The following HECTD2 variants were observed in gnomAD, a reference collection of about 807,000 sequenced individuals.
The protein encoded by HECTD2 is HECT domain E3 ubiquitin protein ligase 2, also known as probable E3 ubiquitin-protein ligase HECTD2.
A neutral mutation model predicts 103.2 loss-of-function variants in HECTD2; 35 were observed. That is an observed-to-expected ratio of 0.34 (90% confidence interval 0.26 to 0.45). The LOEUF is 0.45. Ranked by LOEUF, HECTD2 falls within the 20% of genes least tolerant of loss-of-function variation. HECTD2 has a pLI of 1.00. For missense variants in HECTD2, 596 were observed against 937.4 expected (o/e 0.64, Z 4.76); for synonymous variants, 281 against 329.9 (o/e 0.85, Z 1.61).
chr10:91,477,411 A>G (rs1845948320), intron 5 of HECTD2, among the ~76,000 whole-genome samples: 1 of 152,194 alleles, frequency 6.6e-6, no homozygotes, highest in Non-Finnish European at 1.5e-5. Flanking sequence ...AACTTAAAGT[A>G]TGTCCAGTCA....
intron 2 of HECTD2, among the ~76,000 whole-genome samples, chr10:91,450,801 A>G (rs1209480352): frequency 2.0e-5 from 3 of 152,190 alleles, no homozygotes; most frequent in Admixed American, 2.0e-4. Context: ...GAAAAATGCA[A>G]ATCAAACCAC....
chr10:91,498,294 A>G (rs1846762005), intron 16 of HECTD2, 112 bp downstream of exon 16: 1 of 725,850 alleles, frequency 1.4e-6, no homozygotes, highest in African/African-American at 1.8e-5. Flanking sequence ...TAACCAATAC[A>G]TACAATCCTC....
At chr10:91,494,961 T>G (rs1315942349) in intron 14 of HECTD2, among the ~76,000 whole-genome samples, 1 of 151,388 alleles carries the variant, frequency 6.6e-6, no homozygotes, top group East Asian at 1.9e-4. Context: ...TTGCTCATTG[T>G]TTTTTTTGCA....
At chr10:91,482,619 C>A (rs1287385118) in intron 7 of HECTD2, among the ~76,000 whole-genome samples, 1 of 151,890 alleles carries the variant, frequency 6.6e-6, no homozygotes, top group Non-Finnish European at 1.5e-5. Context: ...TATACATTTT[C>A]TTTTTCGATA....
At chr10:91,491,825 C>A in intron 12 of HECTD2, among the ~76,000 whole-genome samples, 1 of 151,990 alleles carries the variant, frequency 6.6e-6, no homozygotes, top group East Asian at 1.9e-4. Flanking sequence ...TGGCTGATTC[C>A]GCTATGTGAT....
At chr10:91,458,539 A>C (rs1359070848) in intron 2 of HECTD2, among the ~76,000 whole-genome samples, 1 of 152,040 alleles carries the variant, frequency 6.6e-6, no homozygotes, top group Non-Finnish European at 1.5e-5. Context: ...ATATAGCTAC[A>C]ATAATCATAC....
intron 11 of HECTD2, chr10:91,489,206 A>G (rs1846374099): frequency 6.6e-6 from 1 of 151,588 alleles, no homozygotes; most frequent in Admixed American, 6.6e-5. Flanking sequence ...ACTCTGTGAC[A>G]GGCTAAGTTT....
At chr10:91,470,990 GCACACACACACAGACACA>G (rs1845704953) in intron 5 of HECTD2, among the ~76,000 whole-genome samples, 1 of 145,982 alleles carries the variant, frequency 6.9e-6, no homozygotes, top group Non-Finnish European at 1.5e-5. Context: ...ACACACACAC[GCACACACACACAGACACA>G]CACGCACACA....
chr10:91,493,832 A>AT (rs1046523788), intron 14 of HECTD2, among the ~76,000 whole-genome samples: 2 of 151,696 alleles, frequency 1.3e-5, no homozygotes, highest in African/African-American at 2.4e-5. Context: ...ATAATGAAGT[A>AT]TTTTTTTTCT....
Position 91,462,702 on chromosome 10 carries a change from A to G in HECTD2, c.600+518A>G, listed in dbSNP as rs143514405. 8.3e-4 allele frequency: 823 copies of G among 987,990 alleles called. 5 individuals are homozygous for G. The African/African-American group carries it at 0.013, about 16-fold the overall frequency. 61.2% of individuals were successfully genotyped at this position (987,990 alleles called of 1,614,324 possible). On this transcript the variant is annotated intron_variant, in intron 5 of 20. Transcript: ENST00000298068. ...AAAAATCCAGATGCATATTTGAAGG[A>G]CTAAGTGGGAATGATAAAGACAGAA...
Position 91,499,166 on chromosome 10 carries a change from T to A in HECTD2, c.1950+16T>A. 6.7e-7 allele frequency: 1 copy of A among 1,482,870 alleles called. No individual in the cohort carries two copies. Among genetic ancestry groups the A allele is most frequent in the Non-Finnish European group, 9.4e-7 (1 of 1,065,500 alleles). The allele number at this position is 1,482,870 out of a possible 1,614,324, so 91.9% of individuals were successfully genotyped here. Reference sequence around the variant, plus strand: ...TGCCCTAATGGTGAGTTTATAACTTTAAATCAAGCTTTCGGTTAGCTTTTG... The same window carrying A: ...TGCCCTAATGGTGAGTTTATAACTTAAAATCAAGCTTTCGGTTAGCTTTTG... On this transcript the variant is annotated intron_variant, in intron 18 of 20. Coordinates refer to ENST00000298068, the MANE Select transcript of HECTD2 (RefSeq NM_182765.6).
At chr10:91,410,120 CG>C (rs1024457633), upstream of HECTD2, among the ~76,000 whole-genome samples, 10 of 151,886 alleles carry the variant, frequency 6.6e-5, no homozygotes, top group Admixed American at 1.3e-4. Context: ...GCCTTCTCTC[CG>C]GGCCCTCGGG....
At position 91,410,366 on chromosome 10, in the gene HECTD2, G is replaced by GGCA. The variant is rs911693415; in HGVS notation, c.-64_-62dup. The GGCA allele has an allele frequency of 2.7e-5, 27 of 1,008,140 alleles. No individual in the cohort carries two copies. Among genetic ancestry groups the GGCA allele is most frequent in the African/African-American group, 3.4e-5 (2 of 58,498 alleles). 62.4% of individuals were successfully genotyped at this position (1,008,140 alleles called of 1,614,324 possible). A position where few individuals can be genotyped will look rare whatever the true frequency, so the allele number is the denominator to read the frequency against. On this transcript the variant is annotated 5_prime_UTR_variant, in exon 1 of 21. Transcript: ENST00000298068. ...CCCAGAGCCCTCTCGCGGCCGCGGCGGCAGCAGCAGCGCCAGCCCCAGCAA... is the reference window on the plus strand; with the variant it reads ...CCCAGAGCCCTCTCGCGGCCGCGGCGGCAGCAGCAGCAGCGCCAGCCCCAGCAA...
chr10:91,435,678 C>G (rs929577160), intron 2 of HECTD2, among the ~76,000 whole-genome samples: 46 of 152,092 alleles, frequency 3.0e-4, no homozygotes, highest in African/African-American at 8.2e-4. Context: ...CATCTCTTAT[C>G]TTGGAAGTTT....
intron 5 of HECTD2, among the ~76,000 whole-genome samples, chr10:91,465,175 A>G (rs1047337665): frequency 3.3e-5 from 5 of 152,216 alleles, no homozygotes; most frequent in African/African-American, 9.6e-5. Flanking sequence ...ACGAGTAAAT[A>G]TATCAATGTT....
intron 18 of HECTD2, among the ~76,000 whole-genome samples, chr10:91,499,629 G>A (rs1846815411): frequency 6.6e-6 from 1 of 152,176 alleles, no homozygotes; most frequent in Non-Finnish European, 1.5e-5. Context: ...AGTTTGGTCT[G>A]ACTTGTCTTA....
At chr10:91,475,809 G>A (rs532081125) in intron 5 of HECTD2, among the ~76,000 whole-genome samples, 39 of 152,328 alleles carry the variant, frequency 2.6e-4, no homozygotes, top group African/African-American at 8.7e-4. Context: ...ATAGTGCCCA[G>A]GGGAGAATCT....
intron 20 of HECTD2, among the ~76,000 whole-genome samples, chr10:91,510,170 C>T (rs575604172): frequency 6.6e-6 from 1 of 152,226 alleles, no homozygotes; most frequent in Non-Finnish European, 1.5e-5. Context: ...AATCTTCAGT[C>T]ATTAATTGTA....
intron 4 of HECTD2, among the ~76,000 whole-genome samples, 194 bp from the exon 5 acceptor site, chr10:91,461,901 C>T (rs1258786498): frequency 6.6e-6 from 1 of 152,054 alleles, no homozygotes; most frequent in Non-Finnish European, 1.5e-5. Flanking sequence ...TCCATTCCTT[C>T]ACTTTTAAAA....
Sources: gnomAD v4.1 joint callset for allele counts (sites outside exome capture counted in the v4.1 genomes callset) on GRCh38, gnomAD v4.1.1 for gene constraint, MANE v1.5 for transcripts, NCBI Gene and HGNC (gene_info 2026-07-23, HGNC 2026-07-21) for gene names.